PCDHA8: variants seen among roughly 807,000 people sequenced by gnomAD.
PCDHA8 encodes protocadherin alpha-8.
PCDHA8 carries 53 observed loss-of-function variants against 61.8 expected under a neutral mutation model. The observed-to-expected ratio is 0.86, with a 90% confidence interval of 0.69 to 1.08. PCDHA8 has a LOEUF of 1.08. PCDHA8 is among the 50% of genes least tolerant of loss of function. The pLI is 0.00. For synonymous variants in PCDHA8, 618 were observed against 556.6 expected (o/e 1.11, Z -1.55); for missense variants, 1,293 against 1,245.0 (o/e 1.04, Z -0.58).
chr5:140,980,252 A>C (rs993133768), intron 2 of PCDHA8, among the ~76,000 whole-genome samples: 6 of 152,188 alleles, frequency 3.9e-5, no homozygotes, highest in African/African-American at 1.4e-4. Context: ...CAATGGGTAA[A>C]AGCATGGTTT....
At chr5:140,889,946 C>T (rs1554184112) in intron 1 of PCDHA8, among the ~76,000 whole-genome samples, 1 of 152,114 alleles carries the variant, frequency 6.6e-6, no homozygotes, top group East Asian at 1.9e-4. Flanking sequence ...TGTGAGAAGC[C>T]AAATGGATAG....
chr5:140,849,642 G>T (rs2150443693), intron 1 of PCDHA8: 2 of 1,598,700 alleles, frequency 1.3e-6, no homozygotes, highest in Non-Finnish European at 1.7e-6. Flanking sequence ...AGATGCCAAC[G>T]GGCAGGTTAC....
chr5:140,850,295 C>T (rs2150478300), intron 1 of PCDHA8: 1 of 1,596,420 alleles, frequency 6.3e-7, no homozygotes, highest in South Asian at 1.1e-5. Flanking sequence ...TGGACGCCGA[C>T]TCGGGCTACA....
In PCDHA8 at chr5:140,841,816, C is replaced by G. The variant is rs2150323334; in HGVS notation, c.495C>G (p.Asn165Lys). 6.2e-7 allele frequency: 1 copy of G among 1,613,928 alleles called. No homozygotes were observed. The highest frequency in any genetic ancestry group is 2.2e-5 in the East Asian group (1 of 44,884). The stretch of plus-strand genomic sequence containing the variant: ...CGTCCGATGCAGATGTTGGAGCTAA[C>G]TCCGTGTTAACCTACAGGCTTAGCT... ...EGASDADVGA[N>K]SVLTYRLSSH... Residue 165 changes from asparagine to lysine, a missense_variant, in exon 1 of 4, where the codon AAC (asparagine) becomes AAG (lysine). Coordinates refer to ENST00000531613, the MANE Select transcript of PCDHA8 (RefSeq NM_018911.3).
intron 1 of PCDHA8, among the ~76,000 whole-genome samples, chr5:140,922,015 A>G (rs1563050158): frequency 6.6e-6 from 1 of 152,098 alleles, no homozygotes; most frequent in Non-Finnish European, 1.5e-5. Context: ...AGTTTAAAAA[A>G]ATAAATATAA....
In PCDHA8 at chr5:140,841,880, G is replaced by C. The variant is rs1777553890; in HGVS notation, c.559G>C (p.Asp187His). ...YFMLDVNSKN[D>H]ENKLVELVLR... ...CATGCTAGATGTGAATTCAAAGAAC[G>C]ATGAGAATAAACTGGTTGAGCTCGT... Residue 187 changes from aspartate to histidine, a missense_variant, in exon 1 of 4, where the codon GAT (aspartate) becomes CAT (histidine). Coordinates refer to ENST00000531613, the MANE Select transcript of PCDHA8 (RefSeq NM_018911.3). 1.1e-5 allele frequency: 18 copies of C among 1,613,708 alleles called. No individual in the cohort carries two copies. The highest frequency in any genetic ancestry group is 1.4e-5 in the Non-Finnish European group (16 of 1,179,832).
At chr5:140,884,166 C>A in intron 1 of PCDHA8, 1 of 1,613,430 alleles carries the variant, frequency 6.2e-7, no homozygotes, top group Non-Finnish European at 8.5e-7. Context: ...GAGATCAGCA[C>A]GACGCGCCCT....
At chr5:140,895,968 G>C (rs190056652) in intron 1 of PCDHA8, among the ~76,000 whole-genome samples, 4 of 151,938 alleles carry the variant, frequency 2.6e-5, no homozygotes, top group African/African-American at 4.8e-5. Flanking sequence ...CTGTCACCAG[G>C]CCTAGCTAAT....
chr5:140,877,563 C>G (rs2057203422), intron 1 of PCDHA8: 2 of 1,613,774 alleles, frequency 1.2e-6, no homozygotes, highest in African/African-American at 1.3e-5. Context: ...TGGATATTAA[C>G]GTGTACCTCA....
At chr5:140,884,049 TGC>T (rs1554181152) in intron 1 of PCDHA8, 1 of 1,613,414 alleles carries the variant, frequency 6.2e-7, no homozygotes. Context: ...GTGGCGAAGG[TGC>T]GCGCGGTGGA....
intron 1 of PCDHA8, among the ~76,000 whole-genome samples, chr5:140,971,942 C>A (rs2153791969): frequency 6.6e-6 from 1 of 152,140 alleles, no homozygotes; most frequent in Middle Eastern, 3.4e-3. Flanking sequence ...AAGTTGTATC[C>A]ATCTGACTCC....
chr5:141,011,626 C>T lies in PCDHA8; in HGVS notation c.*1689C>T, dbSNP rs1340546254. 6.5e-6 allele frequency: 1 copy of T among 153,668 alleles called. No individual in the cohort carries two copies. Among genetic ancestry groups the T allele is most frequent in the Non-Finnish European group, 1.5e-5 (1 of 68,026 alleles). The allele number at this position is 153,668 out of a possible 1,614,324, so 9.5% of individuals were successfully genotyped here. On this transcript the variant is annotated 3_prime_UTR_variant, in exon 4 of 4. Transcript: ENST00000531613. Reference sequence around the variant, plus strand: ...ATTTTATTTATGGTCCAGCCAAGAGCCATCTCGTGCCAAGACTTCTGCTGG... The same window carrying T: ...ATTTTATTTATGGTCCAGCCAAGAGTCATCTCGTGCCAAGACTTCTGCTGG...
intron 1 of PCDHA8, chr5:140,870,486 G>C (rs1318169830): frequency 5.0e-6 from 8 of 1,614,136 alleles, no homozygotes; most frequent in South Asian, 1.1e-5. Context: ...AGTACACCGT[G>C]TTCGTGAAGG....
intron 1 of PCDHA8, chr5:140,966,883 T>A (rs155364): frequency 0.52 from 832,487 of 1,587,228 alleles, 220,297 homozygotes; most frequent in African/African-American, 0.71. Flanking sequence ...TACCTGGCCC[T>A]GCGGCCTCCC....
chr5:140,866,951 G>A (rs1207354253), intron 1 of PCDHA8: 1 of 152,106 alleles, frequency 6.6e-6, no homozygotes, highest in African/African-American at 2.4e-5. Context: ...CTAGGGGCTG[G>A]TTGAGATGGT....
chr5:140,892,763 C>G (rs1365366300), intron 1 of PCDHA8, among the ~76,000 whole-genome samples: 12 of 152,298 alleles, frequency 7.9e-5, no homozygotes, highest in Middle Eastern at 3.4e-3. Context: ...TTAAAATCCA[C>G]TCTTCTAGCT....
intron 1 of PCDHA8, chr5:140,875,799 C>T (rs781911910): frequency 5.6e-6 from 9 of 1,614,014 alleles, no homozygotes. Flanking sequence ...TGGAGGTGAT[C>T]GTGGACAGGC....
intron 1 of PCDHA8, among the ~76,000 whole-genome samples, chr5:140,889,614 AT>A (rs1488109035): frequency 5.9e-5 from 9 of 151,496 alleles, no homozygotes; most frequent in Admixed American, 5.9e-4. Flanking sequence ...AATTATACTG[AT>A]TCATTTCTCT....
Position 140,843,437 on chromosome 5 carries a change from G to A in PCDHA8, c.2116G>A (p.Ala706Thr). The A allele has an allele frequency of 6.3e-7, 1 of 1,596,076 alleles. No homozygotes were observed. The highest frequency in any genetic ancestry group is 8.6e-7 in the Non-Finnish European group (1 of 1,165,608). ...VNVYLIIAIC[A>T]VSSLLVLTLL... is the part of the protein sequence containing the mutation. ...CGTGTACCTGATCATCGCCATCTGC[G>A]CGGTATCCAGCCTGCTGGTGCTCAC... Residue 706 changes from alanine to threonine, a missense_variant, in exon 1 of 4, where the codon GCG becomes ACG. Coordinates refer to ENST00000531613, the MANE Select transcript of PCDHA8 (RefSeq NM_018911.3).
Sources: gnomAD v4.1 joint callset for allele counts (sites outside exome capture counted in the v4.1 genomes callset) on GRCh38, gnomAD v4.1.1 for gene constraint, MANE v1.5 for transcripts, NCBI Gene and HGNC (gene_info 2026-07-23, HGNC 2026-07-21) for gene names.